The following PLEKHA1 variants were observed in gnomAD, a reference collection of about 807,000 sequenced individuals.
PLEKHA1 encodes the protein pleckstrin homology domain containing A1.
PLEKHA1 carries 34 observed loss-of-function variants against 52.0 expected under a neutral mutation model. The observed-to-expected ratio is 0.65, with a 90% CI of 0.50 to 0.87. The LOEUF is 0.87. Ranked by LOEUF, PLEKHA1 falls within the 40% of genes least tolerant of loss-of-function variation. The pLI is 0.00. For missense variants in PLEKHA1, 497 were observed against 504.2 expected (o/e 0.99, Z 0.14); for synonymous variants, 163 against 170.7 (o/e 0.95, Z 0.35).
chr10:122,414,908 TAAAAG>T (rs2097152430), intron 6 of PLEKHA1, among the ~76,000 whole-genome samples: 1 of 151,810 alleles, frequency 6.6e-6, no homozygotes, highest in Non-Finnish European at 1.5e-5. Flanking sequence ...TTTTTAATAA[TAAAAG>T]TAAGCTTGTG....
intron 4 of PLEKHA1, 47 bp downstream of exon 4, chr10:122,400,435 A>G: frequency 1.3e-6 from 2 of 1,506,554 alleles, no homozygotes; most frequent in Non-Finnish European, 1.8e-6. Flanking sequence ...ATATAATTGT[A>G]TCATATTGTA....
At chr10:122,380,777 C>T (rs1217456535) in intron 1 of PLEKHA1, among the ~76,000 whole-genome samples, 3 of 152,038 alleles carry the variant, frequency 2.0e-5, no homozygotes, top group African/African-American at 7.3e-5. Flanking sequence ...TTTAATTGGT[C>T]GGCGGTGGTG....
chr10:122,413,108 T>G, intron 6 of PLEKHA1, 63 bp downstream of exon 6: 1 of 1,370,832 alleles, frequency 7.3e-7, no homozygotes, highest in Non-Finnish European at 9.9e-7. Context: ...TTTATATTAT[T>G]AAAACTAAAA....
At chr10:122,426,651 G>C (rs2292624) in intron 10 of PLEKHA1, among the ~76,000 whole-genome samples, 1 of 152,022 alleles carries the variant, frequency 6.6e-6, no homozygotes, top group South Asian at 2.1e-4. Context: ...GAAATAAGAA[G>C]GGTTTTTCTT....
intron 4 of PLEKHA1, among the ~76,000 whole-genome samples, chr10:122,404,095 C>T (rs4752693): frequency 0.093 from 14,163 of 152,216 alleles, 785 homozygotes; most frequent in Middle Eastern, 0.17. Context: ...CATATATGAT[C>T]GTCACCTCTT....
intron 1 of PLEKHA1, among the ~76,000 whole-genome samples, chr10:122,384,464 C>G (rs868555480): frequency 2.6e-5 from 4 of 151,750 alleles, no homozygotes; most frequent in Non-Finnish European, 5.9e-5. Context: ...AAAAATTAGC[C>G]GGGTGAGGTG....
chr10:122,393,340 A>C lies in PLEKHA1; in HGVS notation c.140A>C (p.Gln47Pro). The change falls in exon 2 of 12, where the codon CAG becomes CCG. Residue 47 changes from glutamine to proline, a missense_variant and splice_region_variant. Transcript: ENST00000368990. This position sits in a 1 kb window ranked among gnomAD's most constrained non-coding sequence, Gnocchi z 4.5. ...DSFVWYMDNPQNLPSGSSRVG... is the reference protein window; with the variant it reads ...DSFVWYMDNPPNLPSGSSRVG... ...TTCGTGTGGTACATGGATAATCCAC[A>C]GGTTTGTAAAATCCCAAGGATTATC... The C allele has an allele frequency of 6.3e-7, 1 of 1,595,026 alleles. No homozygotes were observed. Among genetic ancestry groups the C allele is most frequent in the Non-Finnish European group, 8.5e-7 (1 of 1,172,414 alleles).
rs546514559 is a variant in PLEKHA1 at position 122,381,728 on chromosome 10, A to G, written c.-21+6922A>G. On this transcript the variant is annotated intron_variant, in intron 1 of 11. Transcript: ENST00000368990. The stretch of plus-strand genomic sequence containing the variant: ...ACCACAGGGTGAGAAAAACTTAAGT[A>G]TGACTTCAAGATACTTTTCCTGAAC... Among the ~76,000 whole-genome samples, 164 of 152,334 alleles carry G rather than the reference A, an allele frequency of 1.1e-3. 1 individual carries two copies. Among genetic ancestry groups the G allele is most frequent in the Non-Finnish European group, 1.9e-3 (130 of 68,028 alleles).
downstream of PLEKHA1, chr10:122,437,043 A>G (rs1210091370): frequency 1.3e-5 from 1 of 74,552 alleles, no homozygotes. Context: ...TCTTCATGTT[A>G]TGAATGTAAC....
chr10:122,384,834 T>G (rs186009338), intron 1 of PLEKHA1, among the ~76,000 whole-genome samples: 45 of 152,042 alleles, frequency 3.0e-4, no homozygotes, highest in Admixed American at 1.1e-3. Context: ...TCAGTGCCTG[T>G]AATCTTAGCT....
At chr10:122,401,661 T>C (rs74779091) in intron 4 of PLEKHA1, among the ~76,000 whole-genome samples, 161 of 152,222 alleles carry the variant, frequency 1.1e-3, no homozygotes, top group African/African-American at 3.7e-3. Context: ...GATGGAGCTT[T>C]AGGGTCAAGA....
chr10:122,426,947 T>A lies in PLEKHA1; in HGVS notation c.816T>A (p.Asp272Glu). ...TTSRTFYVQA[D>E]SPEEMHSWIK... ...TGAGTTCTTTTTTCCTTTAGGCTGA[T>A]AGCCCTGAAGAGATGCACAGTTGGA... Residue 272 changes from aspartate (D) to glutamate (E), a missense_variant, in exon 11 of 12, where the codon GAT becomes GAA. Coordinates refer to ENST00000368990, the MANE Select transcript of PLEKHA1 (RefSeq NM_001001974.4). 6.2e-7 allele frequency: 1 copy of A among 1,613,290 alleles called. No homozygotes were observed. The highest frequency in any genetic ancestry group is 1.1e-5 in the South Asian group (1 of 90,980).
chr10:122,385,515 C>G (rs897633962), intron 1 of PLEKHA1, among the ~76,000 whole-genome samples: 1 of 151,998 alleles, frequency 6.6e-6, no homozygotes. Flanking sequence ...GGGGCTTCTC[C>G]GTGTTGGTCA....
intron 9 of PLEKHA1, among the ~76,000 whole-genome samples, chr10:122,424,507 A>G (rs1263072351): frequency 6.6e-6 from 1 of 152,212 alleles, no homozygotes; most frequent in Non-Finnish European, 1.5e-5. Context: ...CTAAAAATAC[A>G]GAAACAGCTT....
At chr10:122,408,859 G>A (rs2097062490) in intron 5 of PLEKHA1, among the ~76,000 whole-genome samples, 1 of 152,060 alleles carries the variant, frequency 6.6e-6, no homozygotes, top group African/African-American at 2.4e-5. Flanking sequence ...ACATTTTGAT[G>A]TATGTACTTA....
chr10:122,429,804 G>C lies in PLEKHA1; in HGVS notation c.1081G>C (p.Val361Leu). ...VKPGNFKVQT[V>L]SPREPASKVT... ...GCCAGGGAACTTCAAGGTCCAGACT[G>C]TCTCTCCAAGAGAACCAGCTTCCAA... Residue 361 changes from valine to leucine, a missense_variant, in exon 12 of 12, where the codon GTC becomes CTC. Val to Leu is a conservative substitution (Grantham distance 32, BLOSUM62 1). Coordinates refer to ENST00000368990, the MANE Select transcript of PLEKHA1 (RefSeq NM_001001974.4). 1.2e-6 allele frequency: 2 copies of C among 1,614,216 alleles called. No homozygotes were observed. Among genetic ancestry groups the C allele is most frequent in the Non-Finnish European group, 1.7e-6 (2 of 1,180,048 alleles).
At position 122,424,274 on chromosome 10, in the gene PLEKHA1, G is replaced by A. The variant is rs754804384; in HGVS notation, c.746+11G>A. The A allele has an allele frequency of 4.5e-5, 71 of 1,576,616 alleles. No individual in the cohort carries two copies. The highest frequency in any genetic ancestry group is 5.3e-5 in the Non-Finnish European group (62 of 1,166,890). On this transcript the variant is annotated intron_variant, in intron 9 of 11. Coordinates refer to ENST00000368990, the MANE Select transcript of PLEKHA1 (RefSeq NM_001001974.4). ...GGAATGTAAGCAAAGGTAAGGAACC[G>A]CTCTGACTTGATGCCTGGCACAAGT...
chr10:122,398,311 CT>C (rs1321677484), intron 3 of PLEKHA1, among the ~76,000 whole-genome samples: 2 of 104,434 alleles, frequency 1.9e-5, no homozygotes, highest in Non-Finnish European at 3.8e-5. Context: ...TTTATTTAGA[CT>C]GTTTTCAACT....
chr10:122,424,143 G>A, intron 8 of PLEKHA1, 56 bp from the exon 9 acceptor site: 1 of 1,499,988 alleles, frequency 6.7e-7, no homozygotes, highest in Non-Finnish European at 8.9e-7. Flanking sequence ...ACCTTTGAAA[G>A]GATTTTAAGA....
Sources: allele counts gnomAD v4.1 joint callset (sites outside exome capture counted in the v4.1 genomes callset), GRCh38; gene constraint gnomAD v4.1.1; non-coding constraint Gnocchi (gnomAD v3.1); transcripts MANE v1.5; gene names NCBI Gene and HGNC (gene_info 2026-07-23, HGNC 2026-07-21).